The following COTL1 variants were observed in gnomAD, a reference collection of about 807,000 sequenced individuals.
COTL1 encodes coactosin like F-actin binding protein 1, also known as coactosin-like protein.
In COTL1, 15 loss-of-function variants were observed where a neutral mutation model predicts 16.5. The ratio of observed to expected loss-of-function variants is 0.91; its 90% CI spans 0.61 to 1.40. The LOEUF is 1.40. Ranked by LOEUF, COTL1 falls within the 40% of genes most tolerant of loss-of-function variation. The pLI is 0.00. For synonymous variants in COTL1, 112 were observed against 85.3 expected, an observed-to-expected ratio of 1.31 and a Z score of -1.73; for missense variants, 220 against 201.5, an observed-to-expected ratio of 1.09 and a Z score of -0.56.
intron 2 of COTL1, among the ~76,000 whole-genome samples, chr16:84,615,123 G>A (rs189094387): frequency 3.3e-5 from 5 of 152,344 alleles, no homozygotes; most frequent in Admixed American, 6.5e-5. Context: ...AGGACACGAC[G>A]ACAGGAAGGA....
At chr16:84,617,405 C>T (rs894115427) in intron 2 of COTL1, 96 bp downstream of exon 2, 8 of 1,190,384 alleles carry the variant, frequency 6.7e-6, no homozygotes, top group Non-Finnish European at 9.7e-6. Context: ...CCCCATGTGG[C>T]CACCGGTTCC....
At chr16:84,579,484 A>G (rs1479940078) in intron 3 of COTL1, among the ~76,000 whole-genome samples, 3 of 152,262 alleles carry the variant, frequency 2.0e-5, no homozygotes, top group African/African-American at 7.2e-5. Flanking sequence ...TCAAAATGCC[A>G]TCTCAAAAAC....
chr16:84,617,360 A>T (rs1407899204), intron 2 of COTL1, 141 bp downstream of exon 2: 1 of 724,294 alleles, frequency 1.4e-6, no homozygotes, highest in Non-Finnish European at 2.3e-6. Flanking sequence ...TAAAACGCTC[A>T]CACCGGGTTC....
At chr16:84,605,021 G>A (rs1040503406) in intron 2 of COTL1, among the ~76,000 whole-genome samples, 3 of 152,250 alleles carry the variant, frequency 2.0e-5, no homozygotes, top group African/African-American at 7.2e-5. Context: ...GAACACTCGG[G>A]TTCAGGAATT....
At chr16:84,576,635 A>T (rs977518918) in intron 3 of COTL1, 1 of 152,196 alleles carries the variant, frequency 6.6e-6, no homozygotes, top group Non-Finnish European at 1.5e-5. Flanking sequence ...TGAAAGAAGA[A>T]GGCTGGACAA....
In COTL1 at chr16:84,566,211, C is replaced by T. The variant is rs1345742704; in HGVS notation, c.*634G>A. On this transcript the variant is annotated 3_prime_UTR_variant, in exon 4 of 4. Coordinates refer to ENST00000262428, the MANE Select transcript of COTL1 (RefSeq NM_021149.5). The stretch of plus-strand genomic sequence containing the variant: ...TCTTCTTATTCAGTCTGAGCCGGAC[C>T]TAACCTTCTCACCACCGAGCAATCC... 6.5e-6 allele frequency: 1 copy of T among 152,692 alleles called. No individual in the cohort carries two copies. The highest frequency in any genetic ancestry group is 2.4e-5 in the African/African-American group (1 of 41,438). The allele number at this position is 152,692 out of a possible 1,614,324, so 9.5% of individuals were successfully genotyped here. A position where few individuals can be genotyped will look rare whatever the true frequency, so the allele number is the denominator to read the frequency against.
intron 2 of COTL1, among the ~76,000 whole-genome samples, chr16:84,609,911 T>C (rs6420383): frequency 0.63 from 96,571 of 152,138 alleles, 30,892 homozygotes; most frequent in Non-Finnish European, 0.68. Context: ...CTTTTCTTTA[T>C]AAATTACCCA....
At chr16:84,583,718 C>T (rs773775869) in intron 3 of COTL1, among the ~76,000 whole-genome samples, 2 of 152,134 alleles carry the variant, frequency 1.3e-5, no homozygotes, top group Non-Finnish European at 2.9e-5. Flanking sequence ...CCTTGGTCTC[C>T]CAAAATGTTG....
chr16:84,595,943 G>A (rs1049417783), intron 2 of COTL1: 7 of 152,134 alleles, frequency 4.6e-5, no homozygotes, highest in African/African-American at 1.7e-4. Context: ...ATGTGTATGT[G>A]TATGTGTGTT....
At chr16:84,613,522 G>A (rs1905388181) in intron 2 of COTL1, among the ~76,000 whole-genome samples, 2 of 152,170 alleles carry the variant, frequency 1.3e-5, no homozygotes, top group South Asian at 4.2e-4. Flanking sequence ...GATATGGGTG[G>A]GGACAAACCG....
intron 2 of COTL1, among the ~76,000 whole-genome samples, chr16:84,615,811 G>T (rs1905462246): frequency 6.6e-6 from 1 of 151,820 alleles, no homozygotes; most frequent in Non-Finnish European, 1.5e-5. Flanking sequence ...CAAAAGCAAT[G>T]AATGAATGTC....
intron 2 of COTL1, among the ~76,000 whole-genome samples, chr16:84,601,767 G>A (rs1363701002): frequency 6.6e-6 from 1 of 152,202 alleles, no homozygotes; most frequent in African/African-American, 2.4e-5. Context: ...TCAGGGTCTT[G>A]AAGGATGACT....
intron 2 of COTL1, 44 bp downstream of exon 2, chr16:84,617,457 C>T: frequency 1.3e-5 from 20 of 1,531,710 alleles, no homozygotes; most frequent in Non-Finnish European, 1.8e-5. Flanking sequence ...GTGCAGACAA[C>T]CTCCCAACGA....
chr16:84,591,736 T>A (rs1390722514), intron 2 of COTL1, among the ~76,000 whole-genome samples: 1 of 144,954 alleles, frequency 6.9e-6, no homozygotes, highest in Non-Finnish European at 1.5e-5. Context: ...GGTGGGAGGA[T>A]CACTTGAGCC....
chr16:84,579,635 C>T (rs1224611927), intron 3 of COTL1, among the ~76,000 whole-genome samples: 3 of 152,226 alleles, frequency 2.0e-5, no homozygotes, highest in Non-Finnish European at 4.4e-5. Flanking sequence ...TGGCTGATCA[C>T]TTAGCTCCTG....
intron 2 of COTL1, chr16:84,616,504 AAAATAAATAAATAAAT>A (rs371812172): frequency 1.3e-5 from 2 of 150,036 alleles, no homozygotes; most frequent in South Asian, 4.2e-4. Context: ...TTCTGTCTCA[AAAATAAATAAATAAAT>A]AAATAAATAA....
At chr16:84,584,202 C>T (rs961873056) in intron 3 of COTL1, among the ~76,000 whole-genome samples, 2 of 152,246 alleles carry the variant, frequency 1.3e-5, no homozygotes, top group African/African-American at 4.8e-5. Context: ...GTGCGTTCAG[C>T]GCATTCCCCG....
At chr16:84,567,021 C>T (rs189727335) in intron 3 of COTL1, 66 bp from the exon 4 acceptor site, 76 of 1,103,646 alleles carry the variant, frequency 6.9e-5, no homozygotes, top group Non-Finnish European at 1.0e-4. Flanking sequence ...GAGGGTGGCT[C>T]AGGCAACACA....
chr16:84,599,085 C>G (rs572803035), intron 2 of COTL1, among the ~76,000 whole-genome samples: 4 of 151,186 alleles, frequency 2.6e-5, no homozygotes, highest in African/African-American at 4.9e-5. Flanking sequence ...GCCCCTCCCC[C>G]CCTTCCCCCT....
Sources: allele counts gnomAD v4.1 joint callset (sites outside exome capture counted in the v4.1 genomes callset), GRCh38; gene constraint gnomAD v4.1.1; transcripts MANE v1.5; gene names NCBI Gene and HGNC (gene_info 2026-07-23, HGNC 2026-07-21).